LOXL2: variants seen among roughly 807,000 people sequenced by gnomAD.
LOXL2 encodes the protein lysyl oxidase homolog 2.
In LOXL2, 70 loss-of-function variants were observed where a neutral mutation model predicts 93.0. That is an observed-to-expected ratio of 0.75 (90% CI 0.62 to 0.92). The LOEUF (loss-of-function observed/expected upper bound fraction) is 0.92, where lower values mean the gene tolerates loss of function less well. Ranked by LOEUF, LOXL2 falls within the 40% of genes least tolerant of loss-of-function variation. The pLI, the probability that LOXL2 is intolerant of heterozygous loss-of-function variation, is 0.00. For missense variants in LOXL2, 973 were observed against 1,054.9 expected (o/e 0.92, Z 1.08); for synonymous variants, 438 against 413.2 (o/e 1.06, Z -0.73).
At chr8:23,393,686 C>G (rs966250230) in intron 1 of LOXL2, among the ~76,000 whole-genome samples, 2 of 152,014 alleles carry the variant, frequency 1.3e-5, no homozygotes, top group East Asian at 1.9e-4. Context: ...GGAAAATATA[C>G]GTAAATTAAA....
At chr8:23,369,593 A>G (rs1804465790) in intron 1 of LOXL2, among the ~76,000 whole-genome samples, 1 of 152,146 alleles carries the variant, frequency 6.6e-6, no homozygotes, top group Non-Finnish European at 1.5e-5. Context: ...CCTTGGAGTG[A>G]GGCAGTTCCA....
rs1159727066 is a variant in LOXL2, at chr8:23,394,396, GAAA to G, written c.-84+9555_-84+9557del. The stretch of plus-strand genomic sequence containing the variant: ...TGACAGAGTGAGACTCTGTCTCAGA[GAAA>G]AAAAAAAAAAAAAAAAGACAACCAA... On this transcript the variant is annotated intron_variant, in intron 1 of 13. Coordinates refer to ENST00000389131, the MANE Select transcript of LOXL2 (RefSeq NM_002318.3). Among the ~76,000 whole-genome samples, 11 of 64,352 alleles carry G rather than the reference GAAA, an allele frequency of 1.7e-4. No individual in the cohort carries two copies. In the South Asian group the frequency reaches 5.6e-3, roughly 33 times the overall value. 42.2% of individuals were successfully genotyped at this position (64,352 alleles called of 152,430 possible). A position where few individuals can be genotyped will look rare whatever the true frequency, so the allele number is the denominator to read the frequency against.
At chr8:23,346,710 T>A (rs1803994620) in intron 3 of LOXL2, among the ~76,000 whole-genome samples, 4 of 152,174 alleles carry the variant, frequency 2.6e-5, no homozygotes, top group Admixed American at 2.6e-4. Context: ...CCTACATGAA[T>A]CCACATCACA....
Position 23,297,825 on chromosome 8 carries a change from C to G in LOXL2, c.*218G>C, listed in dbSNP as rs938713591. 4 of 527,098 alleles carry G rather than the reference C, an allele frequency of 7.6e-6. No homozygotes were observed. In the East Asian group the frequency reaches 1.2e-4, roughly 16 times the overall value. 32.7% of individuals were successfully genotyped at this position (527,098 alleles called of 1,614,324 possible). A position where few individuals can be genotyped will look rare whatever the true frequency, so the allele number is the denominator to read the frequency against. ...GCTCTGTGGACAAACCCCACCCCCGCAAGGCCTTCTCAGGCCCCAAGGGTC... is the reference window on the plus strand; with the variant it reads ...GCTCTGTGGACAAACCCCACCCCCGGAAGGCCTTCTCAGGCCCCAAGGGTC... On this transcript the variant is annotated 3_prime_UTR_variant, in exon 14 of 14. Transcript: ENST00000389131.
chr8:23,363,756 T>TG (rs908566586), intron 2 of LOXL2: 5 of 152,250 alleles, frequency 3.3e-5, no homozygotes, highest in African/African-American at 1.2e-4. Flanking sequence ...TAATCTTCCA[T>TG]GGACCCCTTC....
chr8:23,347,227 C>T (rs2117189554), intron 3 of LOXL2, among the ~76,000 whole-genome samples: 1 of 151,534 alleles, frequency 6.6e-6, no homozygotes, highest in Admixed American at 6.6e-5. Flanking sequence ...TATGGTGGTG[C>T]ATGCCTGTAA....
chr8:23,377,381 A>C lies in LOXL2; in HGVS notation c.-83-8947T>G, dbSNP rs1235410418. The stretch of plus-strand genomic sequence containing the variant: ...CCAACTATGTGGTCAATTTTGGAAT[A>C]AGTGCGATGTGGTGCTGAGAAGAAT... On this transcript the variant is annotated intron_variant, in intron 1 of 13. Coordinates refer to ENST00000389131, the MANE Select transcript of LOXL2 (RefSeq NM_002318.3). 2.6e-5 allele frequency among the ~76,000 whole-genome samples: 4 copies of C among 152,144 alleles called. No individual in the cohort carries two copies. In the East Asian group the frequency reaches 7.7e-4, roughly 29 times the overall value.
intron 1 of LOXL2, among the ~76,000 whole-genome samples, chr8:23,383,059 G>A (rs770854674): frequency 2.6e-5 from 4 of 152,040 alleles, no homozygotes; most frequent in South Asian, 2.1e-4. Flanking sequence ...TCTCCGTAGC[G>A]GTTTTAAACA....
intron 4 of LOXL2, chr8:23,336,688 G>A (rs935453200): frequency 1.3e-5 from 2 of 152,192 alleles, no homozygotes; most frequent in African/African-American, 2.4e-5. Flanking sequence ...GATGCTTTCC[G>A]GAAGTGGGGA....
chr8:23,384,219 A>G (rs954210156), intron 1 of LOXL2, among the ~76,000 whole-genome samples: 1 of 152,218 alleles, frequency 6.6e-6, no homozygotes, highest in Admixed American at 6.5e-5. Flanking sequence ...ATTATGGGTT[A>G]TAAGGTTGGA....
At chr8:23,341,443 T>C in intron 3 of LOXL2, 1 of 557,304 alleles carries the variant, frequency 1.8e-6, no homozygotes, top group Non-Finnish European at 3.2e-6. Flanking sequence ...TGGGGTGACC[T>C]GGAACAGTCA....
intron 5 of LOXL2, chr8:23,332,025 A>C: frequency 7.6e-6 from 1 of 132,446 alleles, no homozygotes; most frequent in East Asian, 2.2e-4. Context: ...ACAAGAGTGA[A>C]ACTCTGTCTC....
chr8:23,329,648 C>G (rs1248546439), intron 5 of LOXL2, among the ~76,000 whole-genome samples: 1 of 152,222 alleles, frequency 6.6e-6, no homozygotes, highest in African/African-American at 2.4e-5. Context: ...GATGCTCATT[C>G]AACTCCACAG....
intron 6 of LOXL2, 108 bp downstream of exon 6, chr8:23,328,274 A>T: frequency 8.4e-7 from 1 of 1,190,320 alleles, no homozygotes; most frequent in Non-Finnish European, 1.2e-6. Flanking sequence ...CACTAAAGGG[A>T]GGAGGGAAAG....
intron 4 of LOXL2, 108 bp from the exon 5 acceptor site, chr8:23,333,731 G>A: frequency 2.3e-6 from 2 of 869,878 alleles, no homozygotes; most frequent in East Asian, 2.7e-5. Context: ...CTGGAGCTCA[G>A]CCCTGCTTCA....
intron 3 of LOXL2, among the ~76,000 whole-genome samples, chr8:23,354,921 C>T (rs74299703): frequency 0.037 from 4,790 of 129,368 alleles, 185 homozygotes; most frequent in East Asian, 0.11. Context: ...CGCCTTGGCT[C>T]TGGGAGTTGG....
intron 5 of LOXL2, among the ~76,000 whole-genome samples, chr8:23,330,355 A>G (rs1803652621): frequency 6.6e-6 from 1 of 151,908 alleles, no homozygotes; most frequent in Admixed American, 6.6e-5. Context: ...AAACAAAACA[A>G]AACAAAATAA....
At chr8:23,354,839 T>A (rs2117198706) in intron 3 of LOXL2, among the ~76,000 whole-genome samples, 1 of 151,370 alleles carries the variant, frequency 6.6e-6, no homozygotes, top group African/African-American at 2.4e-5. Flanking sequence ...AGCTCACCAC[T>A]AACTTAGGGT....
chr8:23,383,689 C>T (rs1288103457), intron 1 of LOXL2, among the ~76,000 whole-genome samples: 2 of 121,330 alleles, frequency 1.6e-5, no homozygotes, highest in African/African-American at 6.5e-5. Flanking sequence ...GAGACAGAGT[C>T]TTGCTCTGTC....
Sources: gnomAD v4.1 joint callset for allele counts (sites outside exome capture counted in the v4.1 genomes callset) on GRCh38, gnomAD v4.1.1 for gene constraint, MANE v1.5 for transcripts, NCBI Gene and HGNC (gene_info 2026-07-23, HGNC 2026-07-21) for gene names.